DCDC2: variants seen among roughly 807,000 people sequenced by gnomAD.
DCDC2 encodes the protein doublecortin domain containing 2.
In DCDC2, 40 loss-of-function variants were observed where a neutral mutation model predicts 50.2. The observed-to-expected ratio is 0.80, with a 90% confidence interval of 0.62 to 1.04. DCDC2 has a LOEUF of 1.04. Among genes scored for constraint, DCDC2 ranks in the 50% least tolerant of loss-of-function variants. The pLI is 0.00. For synonymous variants in DCDC2, 234 were observed against 210.6 expected, an observed-to-expected ratio of 1.11 and a Z score of -0.96; for missense variants, 570 against 581.9, an observed-to-expected ratio of 0.98 and a Z score of 0.21.
chr6:24,180,823 A>G (rs10085174), intron 8 of DCDC2, among the ~76,000 whole-genome samples: 6,455 of 152,178 alleles, frequency 0.042, 437 homozygotes, highest in African/African-American at 0.15. Flanking sequence ...TAATGCTTTC[A>G]GTTTTGGAAG....
chr6:24,239,501 C>T (rs778313287), intron 7 of DCDC2, among the ~76,000 whole-genome samples: 3 of 152,214 alleles, frequency 2.0e-5, no homozygotes, highest in Non-Finnish European at 4.4e-5. Context: ...ACAAGCACTG[C>T]CCCTGTAACA....
intron 7 of DCDC2, among the ~76,000 whole-genome samples, chr6:24,217,112 C>T (rs1475268067): frequency 6.6e-6 from 1 of 151,990 alleles, no homozygotes; most frequent in East Asian, 1.9e-4. Flanking sequence ...CTTCAGAAGG[C>T]TTCCTAAAAA....
At chr6:24,257,440 G>A (rs930362878) in intron 7 of DCDC2, among the ~76,000 whole-genome samples, 12 of 152,052 alleles carry the variant, frequency 7.9e-5, no homozygotes, top group African/African-American at 2.9e-4. Context: ...AAAACAACCT[G>A]TTCAATTACA....
intron 2 of DCDC2, among the ~76,000 whole-genome samples, chr6:24,340,108 G>A (rs766558738): frequency 1.3e-5 from 2 of 152,120 alleles, no homozygotes; most frequent in Non-Finnish European, 2.9e-5. Context: ...TGAACATGTA[G>A]ATGAATGTGC....
intron 8 of DCDC2, among the ~76,000 whole-genome samples, chr6:24,186,274 A>G (rs760001313): frequency 6.6e-6 from 1 of 152,206 alleles, no homozygotes; most frequent in Non-Finnish European, 1.5e-5. Context: ...AATGCCAAAC[A>G]TTTAGGTAGC....
intron 5 of DCDC2, among the ~76,000 whole-genome samples, chr6:24,290,620 G>T (rs1763723844): frequency 1.3e-5 from 2 of 152,170 alleles, no homozygotes; most frequent in South Asian, 4.1e-4. Flanking sequence ...AATAATGTTT[G>T]CTGTAGAGAA....
intron 2 of DCDC2, among the ~76,000 whole-genome samples, chr6:24,340,576 C>A (rs1261066070): frequency 6.6e-6 from 1 of 151,928 alleles, no homozygotes; most frequent in Non-Finnish European, 1.5e-5. Flanking sequence ...CATGGAAGAT[C>A]TAAAACTAGC....
chr6:24,217,256 TATAA>T (rs1561894140), intron 7 of DCDC2, among the ~76,000 whole-genome samples: 1 of 152,076 alleles, frequency 6.6e-6, no homozygotes, highest in East Asian at 1.9e-4. Flanking sequence ...CCAAATTATA[TATAA>T]ATATATACTT....
chr6:24,309,932 C>G (rs1386065030), intron 2 of DCDC2, among the ~76,000 whole-genome samples: 1 of 151,856 alleles, frequency 6.6e-6, no homozygotes, highest in Non-Finnish European at 1.5e-5. Context: ...GAGTTCAGGA[C>G]CAGCTTGGGC....
At chr6:24,181,609 T>G (rs1761073836) in intron 8 of DCDC2, among the ~76,000 whole-genome samples, 1 of 152,074 alleles carries the variant, frequency 6.6e-6, no homozygotes, top group Non-Finnish European at 1.5e-5. Flanking sequence ...AATAAAACAC[T>G]TAGGAGTTAG....
At chr6:24,367,091 C>T in the DCDC2 span, among the ~76,000 whole-genome samples, 2 of 152,188 alleles carry the variant, frequency 1.3e-5, no homozygotes, top group Non-Finnish European at 2.9e-5. Flanking sequence ...CCATCTTGGC[C>T]TCTCAAAGTG....
At chr6:24,354,667 C>T (rs1378459613) in intron 1 of DCDC2, among the ~76,000 whole-genome samples, 1 of 152,034 alleles carries the variant, frequency 6.6e-6, no homozygotes, top group Non-Finnish European at 1.5e-5. Context: ...CCAAAATATT[C>T]TGTCATGTGC....
chr6:24,190,749 CCCTT>C (rs1205489468), intron 8 of DCDC2, among the ~76,000 whole-genome samples: 5 of 152,154 alleles, frequency 3.3e-5, no homozygotes, highest in African/African-American at 1.2e-4. Flanking sequence ...CTCATTCTAA[CCCTT>C]CCAGCCATGA....
chr6:24,323,566 T>A (rs1759807978), intron 2 of DCDC2, among the ~76,000 whole-genome samples: 1 of 152,214 alleles, frequency 6.6e-6, no homozygotes, highest in Admixed American at 6.5e-5. Context: ...TTTTCTAAAA[T>A]CATTTCAAAA....
At chr6:24,219,413 A>C (rs1762051121) in intron 7 of DCDC2, among the ~76,000 whole-genome samples, 1 of 152,236 alleles carries the variant, frequency 6.6e-6, no homozygotes, top group African/African-American at 2.4e-5. Flanking sequence ...GATATTTTCA[A>C]GTTCACAGGC....
At position 24,349,910 on chromosome 6, in the gene DCDC2, T is replaced by C. The variant is rs530901529; in HGVS notation, c.348+3659A>G. On this transcript the variant is annotated intron_variant, in intron 2 of 9. Coordinates refer to ENST00000378454, the MANE Select transcript of DCDC2 (RefSeq NM_016356.5). ...GCTGCTCTGAGCCCATATGGTGCCC[T>C]GACTCTGAGGTGGGTGCAAACAACC... Among the ~76,000 whole-genome samples, 9 of 152,304 alleles carry C rather than the reference T, an allele frequency of 5.9e-5. No homozygotes were observed. The East Asian group carries it at 1.5e-3, about 26-fold the overall frequency.
the DCDC2 span, among the ~76,000 whole-genome samples, chr6:24,380,777 C>A: frequency 1.3e-5 from 2 of 152,152 alleles, no homozygotes; most frequent in Non-Finnish European, 2.9e-5. Flanking sequence ...TTTGCCTCAG[C>A]TTTATTAAGG....
chr6:24,362,981 G>T (rs1232604073), upstream of DCDC2, among the ~76,000 whole-genome samples: 2 of 152,156 alleles, frequency 1.3e-5, no homozygotes, highest in African/African-American at 4.8e-5. Flanking sequence ...AAGCCAGAAA[G>T]GTTAGATAAA....
At position 24,288,851 on chromosome 6, in the gene DCDC2, C is replaced by G; in HGVS notation, c.759+1G>C. 6.2e-7 allele frequency: 1 copy of G among 1,611,348 alleles called. No individual in the cohort carries two copies. Among genetic ancestry groups the G allele is most frequent in the Non-Finnish European group, 8.5e-7 (1 of 1,177,876 alleles). ...CAACGAGGAAAGCATCTGATACTTA[C>G]ACTCCCTTTAGACTTTCTGGATCCT... On this transcript the variant is annotated splice_donor_variant, in intron 6 of 9. Coordinates refer to ENST00000378454, the MANE Select transcript of DCDC2 (RefSeq NM_016356.5). LOFTEE classifies it high-confidence loss of function.
Sources: gnomAD v4.1 joint callset for allele counts (sites outside exome capture counted in the v4.1 genomes callset) on GRCh38, gnomAD v4.1.1 for gene constraint, MANE v1.5 for transcripts, NCBI Gene and HGNC (gene_info 2026-07-23, HGNC 2026-07-21) for gene names.